The following TBC1D19 variants were observed in gnomAD, a reference collection of about 807,000 sequenced individuals.
The protein encoded by TBC1D19 is TBC1 domain family, member 19.
TBC1D19 carries 60 observed loss-of-function variants against 89.0 expected under a neutral mutation model. That is an observed-to-expected ratio of 0.67 (90% CI 0.55 to 0.84). The LOEUF (loss-of-function observed/expected upper bound fraction) is 0.84. Ranked by LOEUF, TBC1D19 falls within the 40% of genes least tolerant of loss-of-function variation. The pLI is 0.00. For synonymous variants in TBC1D19, 189 were observed against 199.7 expected (o/e 0.95, Z 0.45); for missense variants, 500 against 610.8 (o/e 0.82, Z 1.91).
At chr4:26,641,693 C>A (rs1034134640) in intron 7 of TBC1D19, among the ~76,000 whole-genome samples, 1 of 149,912 alleles carries the variant, frequency 6.7e-6, no homozygotes, top group Non-Finnish European at 1.5e-5. Flanking sequence ...AAAGATTAGA[C>A]GAATGGCTAA....
At chr4:26,628,573 T>C (rs550361749) in intron 4 of TBC1D19, among the ~76,000 whole-genome samples, 259 of 152,176 alleles carry the variant, frequency 1.7e-3, no homozygotes, top group African/African-American at 6.1e-3. Context: ...CAAATTGTCC[T>C]TGTTTGCAGA....
intron 15 of TBC1D19, among the ~76,000 whole-genome samples, chr4:26,730,470 A>G (rs1262552871): frequency 1.3e-5 from 2 of 152,188 alleles, no homozygotes; most frequent in African/African-American, 4.8e-5. Flanking sequence ...TGTTGAAGGC[A>G]AGTTTCTCTC....
In TBC1D19 at chr4:26,620,511, A is replaced by G. The variant is rs1283452235; in HGVS notation, c.219-102A>G. The G allele has an allele frequency of 3.2e-6, 3 of 932,612 alleles. No individual in the cohort carries two copies. The African/African-American group carries it at 5.0e-5, about 16-fold the overall frequency. The allele number at this position is 932,612 out of a possible 1,614,324, so 57.8% of individuals were successfully genotyped here. ...AACAGTACATTTTGAATATAAAATGAAATGTTACTGGGAAAACAGTTTATA... is the reference window on the plus strand; with the variant it reads ...AACAGTACATTTTGAATATAAAATGGAATGTTACTGGGAAAACAGTTTATA... On this transcript the variant is annotated intron_variant, in intron 3 of 20. Coordinates refer to ENST00000264866, the MANE Select transcript of TBC1D19 (RefSeq NM_018317.4).
intron 13 of TBC1D19, among the ~76,000 whole-genome samples, chr4:26,691,627 T>C (rs922458576): frequency 6.6e-6 from 1 of 152,168 alleles, no homozygotes; most frequent in Non-Finnish European, 1.5e-5. Flanking sequence ...TTATGGCATG[T>C]ATATTTTTGG....
chr4:26,741,628 C>CTT (rs559984512), intron 17 of TBC1D19, among the ~76,000 whole-genome samples: 2 of 141,496 alleles, frequency 1.4e-5, no homozygotes, highest in East Asian at 2.0e-4. Context: ...TGCCTCTGTC[C>CTT]TTTTTTTTTT....
the TBC1D19 span, among the ~76,000 whole-genome samples, chr4:26,828,763 C>G: frequency 3.9e-5 from 6 of 152,160 alleles, no homozygotes; most frequent in Non-Finnish European, 8.8e-5. Flanking sequence ...GTAAGGAAAC[C>G]CTGATAAATT....
chr4:26,820,597 G>C, the TBC1D19 span, among the ~76,000 whole-genome samples: 14 of 152,166 alleles, frequency 9.2e-5, no homozygotes, highest in Non-Finnish European at 1.5e-5. Flanking sequence ...TTTATCCATT[G>C]ATGGGCACTG....
Position 26,694,269 on chromosome 4 carries a change from G to A in TBC1D19, c.954+5862G>A, listed in dbSNP as rs545030307. 1.0e-3 allele frequency among the ~76,000 whole-genome samples: 157 copies of A among 152,268 alleles called. 2 individuals are homozygous for A. The highest frequency in any genetic ancestry group is 1.6e-3 in the Non-Finnish European group (107 of 68,018). Reference sequence around the variant, plus strand: ...CATTATATCCCACCCCTGGCTCGAGGGTCCTACGCCCACAGAGCCTCACTC... The same window carrying A: ...CATTATATCCCACCCCTGGCTCGAGAGTCCTACGCCCACAGAGCCTCACTC... On this transcript the variant is annotated intron_variant, in intron 13 of 20. Transcript: ENST00000264866.
the TBC1D19 span, among the ~76,000 whole-genome samples, chr4:26,848,161 T>C: frequency 6.6e-6 from 1 of 152,152 alleles, no homozygotes; most frequent in Non-Finnish European, 1.5e-5. Flanking sequence ...TAAAGACTGC[T>C]CTCCCAAATA....
At chr4:26,677,373 C>T (rs1712918980) in intron 11 of TBC1D19, among the ~76,000 whole-genome samples, 1 of 150,668 alleles carries the variant, frequency 6.6e-6, no homozygotes, top group Non-Finnish European at 1.5e-5. Context: ...GGCTGGAGTG[C>T]AGTGGTGCGA....
At chr4:26,819,167 T>C in the TBC1D19 span, among the ~76,000 whole-genome samples, 1 of 152,202 alleles carries the variant, frequency 6.6e-6, no homozygotes, top group Non-Finnish European at 1.5e-5. Context: ...GTAGCTGACC[T>C]TTTCTTTTTC....
At chr4:26,825,003 C>T in the TBC1D19 span, among the ~76,000 whole-genome samples, 2 of 152,142 alleles carry the variant, frequency 1.3e-5, no homozygotes, top group Non-Finnish European at 2.9e-5. Context: ...ACTGGATATT[C>T]CTGTCACCTC....
At chr4:26,810,878 T>A in the TBC1D19 span, among the ~76,000 whole-genome samples, 3 of 152,342 alleles carry the variant, frequency 2.0e-5, no homozygotes, top group African/African-American at 7.2e-5. Flanking sequence ...ACTAAATTCT[T>A]GATGAATTAA....
Position 26,613,202 on chromosome 4 carries a change from T to C in TBC1D19, c.133T>C (p.Ser45Pro). Reference sequence around the variant, plus strand: ...TCAGAGACCTGAGATTAAACTTGAATCACTGAAAGAAGATATTAAGGAATT... The same window carrying C: ...TCAGAGACCTGAGATTAAACTTGAACCACTGAAAGAAGATATTAAGGAATT... ...SLQRPEIKLE[S>P]LKEDIKEFFK... The change falls in exon 2 of 21, where the codon TCA (serine) becomes CCA (proline). Residue 45 changes from serine (S) to proline (P), a missense_variant. Around this residue, in one of 2 missense-constraint regions of TBC1D19, gnomAD observed 280 missense variants for 291.7 expected, o/e 0.96. Coordinates refer to ENST00000264866, the MANE Select transcript of TBC1D19 (RefSeq NM_018317.4). The C allele has an allele frequency of 6.3e-7, 1 of 1,580,970 alleles. No homozygotes were observed. The highest frequency in any genetic ancestry group is 2.3e-5 in the East Asian group (1 of 43,908).
intron 7 of TBC1D19, among the ~76,000 whole-genome samples, chr4:26,652,027 A>G (rs768236740): frequency 2.0e-5 from 3 of 151,834 alleles, no homozygotes; most frequent in African/African-American, 7.3e-5. Flanking sequence ...ATTGATTTGC[A>G]TGTGTTTAAC....
chr4:26,628,070 G>A (rs1396840446), intron 4 of TBC1D19, among the ~76,000 whole-genome samples: 2 of 152,124 alleles, frequency 1.3e-5, no homozygotes, highest in Admixed American at 6.6e-5. Context: ...TGTATAAGGT[G>A]TAAGGAAGGG....
At chr4:26,854,321 T>C in the TBC1D19 span, among the ~76,000 whole-genome samples, 2 of 132,904 alleles carry the variant, frequency 1.5e-5, no homozygotes, top group Non-Finnish European at 3.2e-5. Context: ...CTAGAAATTA[T>C]CTTACTAATT....
At chr4:26,797,761 C>T in the TBC1D19 span, among the ~76,000 whole-genome samples, 1 of 152,104 alleles carries the variant, frequency 6.6e-6, no homozygotes, top group Non-Finnish European at 1.5e-5. Context: ...TGTAACTGAT[C>T]CTTAACAAAG....
At chr4:26,668,378 C>T (rs1711997438) in intron 9 of TBC1D19, among the ~76,000 whole-genome samples, 1 of 151,828 alleles carries the variant, frequency 6.6e-6, no homozygotes, top group African/African-American at 2.4e-5. Context: ...TGCAGATTTT[C>T]CTTCTTTGAT....
Sources: gnomAD v4.1 joint callset for allele counts (sites outside exome capture counted in the v4.1 genomes callset) on GRCh38, gnomAD v4.1.1 for gene constraint, gnomAD v4.1.1 regional missense constraint, MANE v1.5 for transcripts, NCBI Gene and HGNC (gene_info 2026-07-23, HGNC 2026-07-21) for gene names.